Variants in PEX11A observed in about 807,000 individuals in gnomAD.
The protein encoded by PEX11A is peroxisomal membrane protein 11A.
Under a neutral mutation model 14.4 loss-of-function variants are expected in PEX11A, and 13 were observed. The ratio of observed to expected loss-of-function variants is 0.90; its 90% CI spans 0.59 to 1.43. The LOEUF (loss-of-function observed/expected upper bound fraction) is 1.43, where lower values mean the gene tolerates loss of function less well. PEX11A is among the 40% of genes most tolerant of loss of function. The pLI is 0.00. For missense variants in PEX11A, 290 were observed against 302.8 expected, an observed-to-expected ratio of 0.96 and a Z score of 0.31; for synonymous variants, 101 against 113.0, an observed-to-expected ratio of 0.89 and a Z score of 0.67.
Position 89,683,732 on chromosome 15 carries a change from G to C in PEX11A, c.389C>G (p.Ser130Cys), listed in dbSNP as rs773194616. 3.1e-6 allele frequency: 5 copies of C among 1,614,006 alleles called. No homozygotes were observed. In the South Asian group the frequency reaches 5.5e-5, roughly 18 times the overall value. ...RTRAAHHYYYSLLLSLVRDLY... is the reference protein window; with the variant it reads ...RTRAAHHYYYCLLLSLVRDLY... Reference sequence around the variant, plus strand: ...ATCCCTGACCAGGCTCAGCAGAAGAGAATAGTAGTAGTGGTGAGCAGCCCT... The same window carrying C: ...ATCCCTGACCAGGCTCAGCAGAAGACAATAGTAGTAGTGGTGAGCAGCCCT... The change falls in exon 3 of 3, where the codon TCT becomes TGT. Residue 130 changes from serine to cysteine, a missense_variant. Ser to Cys is a moderately radical substitution (Grantham distance 112). Transcript: ENST00000300056.
rs8179076 is a variant in PEX11A at position 89,690,664 on chromosome 15, G to C, written c.-32C>G. 278 of 1,532,436 alleles carry C rather than the reference G, an allele frequency of 1.8e-4. 1 individual carries two copies. The Admixed American group carries it at 5.4e-3, about 30-fold the overall frequency. The allele number at this position is 1,532,436 out of a possible 1,614,324, so 94.9% of individuals were successfully genotyped here. On this transcript the variant is annotated 5_prime_UTR_variant, in exon 1 of 3. Coordinates refer to ENST00000300056, the MANE Select transcript of PEX11A (RefSeq NM_003847.3). The stretch of plus-strand genomic sequence containing the variant: ...TAGCCCAAAGGCCACGAGTCGCACG[G>C]GGCTCAGGCGTGGGTCCTCTGGGGC...
At chr15:89,688,067 G>A in intron 1 of PEX11A, 1 of 534,384 alleles carries the variant, frequency 1.9e-6, no homozygotes, top group African/African-American at 1.9e-5. Context: ...CTTCTTGGTA[G>A]TTTTAGACTT....
At chr15:89,686,571 G>C in intron 1 of PEX11A, 25 bp from the exon 2 acceptor site, 1 of 1,011,736 alleles carries the variant, frequency 9.9e-7, no homozygotes, top group Admixed American at 1.9e-5. Flanking sequence ...AAAAAATTGA[G>C]AAGAATGATT....
intron 1 of PEX11A, among the ~76,000 whole-genome samples, chr15:89,688,862 C>T (rs913353456): frequency 6.6e-6 from 1 of 151,684 alleles, no homozygotes. Flanking sequence ...ACTGCAGGCG[C>T]CCACCACAAC....
In PEX11A at chr15:89,690,692, G is replaced by A; in HGVS notation, c.-60C>T. 4 of 1,256,870 alleles carry A rather than the reference G, an allele frequency of 3.2e-6. No homozygotes were observed. In the Admixed American group the frequency reaches 8.0e-5, roughly 25 times the overall value. The allele number at this position is 1,256,870 out of a possible 1,614,324, so 77.9% of individuals were successfully genotyped here. A position where few individuals can be genotyped will look rare whatever the true frequency, so the allele number is the denominator to read the frequency against. On this transcript the variant is annotated 5_prime_UTR_variant, in exon 1 of 3. The change creates a new upstream start codon in the 5' untranslated region. Transcript: ENST00000300056. ...CTCAGGCGTGGGTCCTCTGGGGCCC[G>A]TCGGATCCCCAGGGAACGGTCAGTC...
intron 1 of PEX11A, among the ~76,000 whole-genome samples, chr15:89,688,842 A>T (rs1964725355): frequency 6.6e-6 from 1 of 151,592 alleles, no homozygotes; most frequent in South Asian, 2.1e-4. Flanking sequence ...CAGCCTCCTG[A>T]GTAGCTGGGA....
At chr15:89,690,042 G>C (rs1964782779) in intron 1 of PEX11A, among the ~76,000 whole-genome samples, 2 of 152,284 alleles carry the variant, frequency 1.3e-5, no homozygotes, top group South Asian at 2.1e-4. Context: ...TGAGGCAGGA[G>C]AATCGCTTGA....
chr15:89,689,358 TG>T (rs1964751202), intron 1 of PEX11A, among the ~76,000 whole-genome samples: 1 of 152,188 alleles, frequency 6.6e-6, no homozygotes, highest in South Asian at 2.1e-4. Flanking sequence ...TGCAAAACAC[TG>T]GGAACAATAG....
rs1964634095 is a variant in PEX11A at position 89,683,739 on chromosome 15, A to T, written c.382T>A (p.Tyr128Asn). Reference protein sequence around the residue: ...KWRTRAAHHYYYSLLLSLVRD... With the variant: ...KWRTRAAHHYNYSLLLSLVRD... ...ACCAGGCTCAGCAGAAGAGAATAGT[A>T]GTAGTGGTGAGCAGCCCTCGTTCGC... is the stretch of plus-strand genomic sequence containing the variant. Residue 128 changes from tyrosine to asparagine, a missense_variant, in exon 3 of 3, where the codon TAC (tyrosine) becomes AAC (asparagine). Coordinates refer to ENST00000300056, the MANE Select transcript of PEX11A (RefSeq NM_003847.3). 3.1e-6 allele frequency: 5 copies of T among 1,614,030 alleles called. No individual in the cohort carries two copies. The highest frequency in any genetic ancestry group is 4.2e-6 in the Non-Finnish European group (5 of 1,179,904).
At chr15:89,690,541 C>A in intron 1 of PEX11A, 36 bp downstream of exon 1, 2 of 1,518,374 alleles carry the variant, frequency 1.3e-6, no homozygotes, top group Non-Finnish European at 1.8e-6. Context: ...CGAGTTAGGG[C>A]GAGAAAGGGG....
At chr15:89,688,496 G>A (rs991770839) in intron 1 of PEX11A, among the ~76,000 whole-genome samples, 7 of 151,276 alleles carry the variant, frequency 4.6e-5, no homozygotes, top group Non-Finnish European at 8.8e-5. Flanking sequence ...GGATTCAAGC[G>A]ATTCTCCTGC....
Position 89,683,175 on chromosome 15 carries a change from C to G in PEX11A, c.*202G>C, listed in dbSNP as rs759117397. Reference sequence around the variant, plus strand: ...AATATTCAGAAATTCACAAGTCACTCCAGCACTCCAAAAACATACAACTCT... The same window carrying G: ...AATATTCAGAAATTCACAAGTCACTGCAGCACTCCAAAAACATACAACTCT... On this transcript the variant is annotated 3_prime_UTR_variant, in exon 3 of 3. Coordinates refer to ENST00000300056, the MANE Select transcript of PEX11A (RefSeq NM_003847.3). The G allele has an allele frequency of 3.4e-4, 193 of 564,624 alleles. No individual in the cohort carries two copies. The highest frequency in any genetic ancestry group is 5.1e-4 in the Non-Finnish European group (165 of 320,772). 35.0% of individuals were successfully genotyped at this position (564,624 alleles called of 1,614,324 possible). A position where few individuals can be genotyped will look rare whatever the true frequency, so the allele number is the denominator to read the frequency against.
intron 2 of PEX11A, among the ~76,000 whole-genome samples, 175 bp from the exon 3 acceptor site, chr15:89,684,123 T>C (rs1216012998): frequency 6.6e-6 from 1 of 152,082 alleles, no homozygotes; most frequent in Non-Finnish European, 1.5e-5. Context: ...GCAGCCTCAG[T>C]CTCCTGGGCT....
rs150581104 is a variant in PEX11A at position 89,683,891 on chromosome 15, G to A, written c.230C>T (p.Ala77Val). The change falls in exon 3 of 3, where the codon GCC becomes GTC. Residue 77 changes from alanine (A) to valine (V), a missense_variant. By Grantham distance (64) the Ala-to-Val change is moderately conservative (BLOSUM62 0). Coordinates refer to ENST00000300056, the MANE Select transcript of PEX11A (RefSeq NM_003847.3). ...AIQATEQSIH[A>V]TDLVPRLCLT... ...GCATAAGCGAGGTACCAGGTCAGTG[G>A]CATGAATGCTCTGCTCAGTTGCCTG... 213 of 1,614,060 alleles carry A rather than the reference G, an allele frequency of 1.3e-4. No homozygotes were observed. Among genetic ancestry groups the A allele is most frequent in the Non-Finnish European group, 1.5e-4 (182 of 1,179,912 alleles).
chr15:89,683,194 C>A lies in PEX11A; in HGVS notation c.*183G>T. ...GTCACTCCAGCACTCCAAAAACATACAACTCTTCATGCTCCTCCCTTCTCC... is the reference window on the plus strand; with the variant it reads ...GTCACTCCAGCACTCCAAAAACATAAAACTCTTCATGCTCCTCCCTTCTCC... On this transcript the variant is annotated 3_prime_UTR_variant, in exon 3 of 3. Transcript: ENST00000300056. The A allele has an allele frequency of 1.7e-6, 1 of 601,322 alleles. No homozygotes were observed. 37.2% of individuals were successfully genotyped at this position (601,322 alleles called of 1,614,324 possible). A position where few individuals can be genotyped will look rare whatever the true frequency, so the allele number is the denominator to read the frequency against.
chr15:89,684,624 A>T (rs990033433), intron 2 of PEX11A, among the ~76,000 whole-genome samples: 7 of 152,236 alleles, frequency 4.6e-5, no homozygotes, highest in African/African-American at 1.7e-4. Context: ...AAGATAAAGT[A>T]GAAATGGTAG....
At chr15:89,687,576 G>C (rs1964696051) in intron 1 of PEX11A, among the ~76,000 whole-genome samples, 1 of 152,074 alleles carries the variant, frequency 6.6e-6, no homozygotes, top group African/African-American at 2.4e-5. Context: ...AATCCATTTG[G>C]CAATCTACTA....
At chr15:89,688,461 T>TG (rs1374243466) in intron 1 of PEX11A, among the ~76,000 whole-genome samples, 2 of 152,070 alleles carry the variant, frequency 1.3e-5, no homozygotes, top group Non-Finnish European at 2.9e-5. Flanking sequence ...GGTGCGTTCT[T>TG]GGCTCTCTGC....
chr15:89,686,923 G>C (rs78708244), intron 1 of PEX11A, among the ~76,000 whole-genome samples: 2 of 147,774 alleles, frequency 1.4e-5, no homozygotes, highest in Admixed American at 6.8e-5. Context: ...TTCTTTCTTT[G>C]TTTTTTTTTT....
Sources: gnomAD v4.1 joint callset for allele counts (sites outside exome capture counted in the v4.1 genomes callset) on GRCh38, gnomAD v4.1.1 for gene constraint, MANE v1.5 for transcripts, NCBI Gene and HGNC (gene_info 2026-07-23, HGNC 2026-07-21) for gene names.